GPHN: variants seen among roughly 807,000 people sequenced by gnomAD.
GPHN encodes the protein gephyrin.
A neutral mutation model predicts 95.5 loss-of-function variants in GPHN; 17 were observed. The observed-to-expected ratio is 0.18, with a 90% CI of 0.12 to 0.27. The LOEUF is 0.27. Among genes scored for constraint, GPHN ranks in the 10% least tolerant of loss-of-function variants. GPHN has a pLI of 1.00. For missense variants in GPHN, 660 were observed against 978.1 expected (o/e 0.67, Z 4.34); for synonymous variants, 320 against 322.5 (o/e 0.99, Z 0.08).
At chr14:66,921,188 G>T (rs554853727) in intron 6 of GPHN, among the ~76,000 whole-genome samples, 154 of 152,166 alleles carry the variant, frequency 1.0e-3, no homozygotes, top group Non-Finnish European at 1.8e-3. Context: ...TTCCTTAGTG[G>T]TTTCACTAGT....
the GPHN span, chr14:67,442,064 A>G: frequency 1.3e-5 from 2 of 152,804 alleles, no homozygotes; most frequent in African/African-American, 4.8e-5. Flanking sequence ...GATGACTATA[A>G]TAGTAATGAA....
At chr14:67,296,086 G>A in the GPHN span, among the ~76,000 whole-genome samples, 1 of 152,048 alleles carries the variant, frequency 6.6e-6, no homozygotes, top group African/African-American at 2.4e-5. Flanking sequence ...GCCTAATTCT[G>A]TTTTGGGAGG....
At chr14:67,264,511 C>T in the GPHN span, among the ~76,000 whole-genome samples, 1 of 151,974 alleles carries the variant, frequency 6.6e-6, no homozygotes, top group Non-Finnish European at 1.5e-5. Flanking sequence ...TCTGATCTCA[C>T]GTTTAAGTTT....
intron 3 of GPHN, among the ~76,000 whole-genome samples, chr14:66,801,118 C>A (rs1429660407): frequency 1.3e-5 from 2 of 151,924 alleles, no homozygotes; most frequent in African/African-American, 4.8e-5. Context: ...TGAATTTATT[C>A]TTGAGTTTAT....
chr14:67,646,787 T>C, the GPHN span: 2 of 1,519,650 alleles, frequency 1.3e-6, no homozygotes, highest in South Asian at 2.3e-5. Context: ...TAGCCAATTA[T>C]GTTCTATTTG....
At chr14:66,845,861 C>G (rs868605377) in intron 4 of GPHN, among the ~76,000 whole-genome samples, 1,280 of 115,356 alleles carry the variant, frequency 0.011, 3 homozygotes, top group Middle Eastern at 0.02. Flanking sequence ...GTGTGTGTGT[C>G]TGTGTGCGTG....
intron 21 of GPHN, among the ~76,000 whole-genome samples, chr14:67,177,043 AT>A (rs1262882952): frequency 2.0e-5 from 3 of 151,894 alleles, no homozygotes; most frequent in Admixed American, 6.6e-5. Flanking sequence ...GGATTCACTG[AT>A]TTTTTTGAAG....
the GPHN span, among the ~76,000 whole-genome samples, chr14:67,216,438 A>G: frequency 6.6e-6 from 1 of 151,480 alleles, no homozygotes; most frequent in African/African-American, 2.4e-5. Flanking sequence ...TTCTTCTACT[A>G]ATTTTGAGTT....
intron 2 of GPHN, among the ~76,000 whole-genome samples, chr14:66,747,256 C>A (rs983309502): frequency 3.9e-5 from 6 of 152,132 alleles, no homozygotes; most frequent in South Asian, 4.1e-4. Flanking sequence ...TTACTGGAAT[C>A]AGGACCCCTA....
intron 3 of GPHN, among the ~76,000 whole-genome samples, chr14:66,788,071 T>G (rs1247851859): frequency 6.6e-6 from 1 of 152,116 alleles, no homozygotes; most frequent in South Asian, 2.1e-4. Flanking sequence ...GGCACAGTCC[T>G]GTAATCCCAG....
chr14:67,105,684 A>G (rs1333233429), intron 13 of GPHN, among the ~76,000 whole-genome samples: 1 of 152,160 alleles, frequency 6.6e-6, no homozygotes, highest in Non-Finnish European at 1.5e-5. Flanking sequence ...TGCATCAAAT[A>G]TCTTGATTCA....
At chr14:67,347,496 T>TTA in the GPHN span, 3 of 1,425,058 alleles carry the variant, frequency 2.1e-6, no homozygotes, top group Non-Finnish European at 2.8e-6. Context: ...AACCTTTAAG[T>TTA]TCTCTCTTTT....
intron 1 of GPHN, among the ~76,000 whole-genome samples, chr14:66,546,650 C>T (rs2059612814): frequency 6.6e-6 from 1 of 152,096 alleles, no homozygotes; most frequent in South Asian, 2.1e-4. Context: ...CGCGTGCCTG[C>T]AATCGCAGGC....
the GPHN span, among the ~76,000 whole-genome samples, chr14:67,196,468 C>T: frequency 5.9e-5 from 9 of 152,264 alleles, no homozygotes; most frequent in East Asian, 1.5e-3. Context: ...GTGATCTGCC[C>T]GCCTTGGCCT....
chr14:66,586,707 A>T (rs1425972506), intron 1 of GPHN, among the ~76,000 whole-genome samples: 2 of 152,186 alleles, frequency 1.3e-5, no homozygotes, highest in Non-Finnish European at 2.9e-5. Context: ...AGAATATTGA[A>T]TATTGGCCCC....
At chr14:67,517,236 C>T in the GPHN span, among the ~76,000 whole-genome samples, 6 of 151,986 alleles carry the variant, frequency 3.9e-5, no homozygotes, top group African/African-American at 2.4e-5. Flanking sequence ...AGGCATAGTA[C>T]GCCTAATCTC....
chr14:67,153,567 TATGAA>T (rs2081406470), intron 18 of GPHN, among the ~76,000 whole-genome samples: 2 of 152,166 alleles, frequency 1.3e-5, no homozygotes, highest in African/African-American at 4.8e-5. Context: ...AGTTTCAACA[TATGAA>T]TTTGGGGGTG....
chr14:67,203,228 A>G, the GPHN span: 1 of 1,613,054 alleles, frequency 6.2e-7, no homozygotes, highest in East Asian at 2.2e-5. Context: ...GTGCCCAAAA[A>G]GATACAGAAA....
the GPHN span, chr14:67,649,742 G>A: frequency 6.6e-6 from 1 of 152,144 alleles, no homozygotes; most frequent in African/African-American, 2.4e-5. Context: ...AGCACATCAT[G>A]TACTATAGTG....
Sources: allele counts gnomAD v4.1 joint callset (sites outside exome capture counted in the v4.1 genomes callset), GRCh38; gene constraint gnomAD v4.1.1; transcripts MANE v1.5; gene names NCBI Gene and HGNC (gene_info 2026-07-23, HGNC 2026-07-21).